CSMD1: variants seen among roughly 807,000 people sequenced by gnomAD.
CSMD1 encodes CUB and sushi domain-containing protein 1.
Under a neutral mutation model 417.5 loss-of-function variants are expected in CSMD1, and 213 were observed. The ratio of observed to expected loss-of-function variants is 0.51; its 90% CI spans 0.46 to 0.57. The LOEUF is 0.57. CSMD1 is among the 20% of genes least tolerant of loss of function. The probability of loss-of-function intolerance (pLI) is 0.00; values close to 1 mark genes in which losing one functional copy is unlikely to be tolerated. For synonymous variants in CSMD1, 2,862 were observed against 1,736.8 expected (o/e 1.65, Z -16.11); for missense variants, 6,923 against 4,529.7 (o/e 1.53, Z -15.17).
chr8:3,955,492 T>C (rs1386954950), intron 5 of CSMD1, among the ~76,000 whole-genome samples: 5 of 152,198 alleles, frequency 3.3e-5, no homozygotes, highest in East Asian at 1.9e-4. Flanking sequence ...TCATTCTCTC[T>C]ACTCATGTTT....
chr8:4,063,982 G>T (rs763635672), intron 3 of CSMD1, among the ~76,000 whole-genome samples: 1 of 152,102 alleles, frequency 6.6e-6, no homozygotes, highest in Non-Finnish European at 1.5e-5. Context: ...GTGTGTGTTG[G>T]GAAAATGGGG....
chr8:4,056,181 G>C lies in CSMD1; in HGVS notation c.416-24082C>G, dbSNP rs562902543. Among the ~76,000 whole-genome samples the C allele has an allele frequency of 1.1e-4, 16 of 140,954 alleles. No individual in the cohort carries two copies. The South Asian group carries it at 3.8e-3, about 33-fold the overall frequency. The allele number at this position is 140,954 out of a possible 152,430, so 92.5% of individuals were successfully genotyped here. On this transcript the variant is annotated intron_variant, in intron 3 of 69. Transcript: ENST00000635120. Reference sequence around the variant, plus strand: ...ACTCCAACCTCTGCCTCTTGGGTTCGAGCAATTCTCTTGCCTCAGCCTCCC... The same window carrying C: ...ACTCCAACCTCTGCCTCTTGGGTTCCAGCAATTCTCTTGCCTCAGCCTCCC...
chr8:3,428,307 A>G (rs1462874937), intron 12 of CSMD1, among the ~76,000 whole-genome samples: 1 of 152,200 alleles, frequency 6.6e-6, no homozygotes, highest in African/African-American at 2.4e-5. Flanking sequence ...CTGCTTCCTT[A>G]TTCAGAGACG....
At chr8:3,112,675 C>T (rs1363757466) in intron 42 of CSMD1, among the ~76,000 whole-genome samples, 1 of 152,142 alleles carries the variant, frequency 6.6e-6, no homozygotes, top group African/African-American at 2.4e-5. Context: ...CGTAGAGACC[C>T]TGTTGCTGCC....
At position 3,015,934 on chromosome 8, in the gene CSMD1, C is replaced by A. The variant is rs762631074; in HGVS notation, c.8029+2543G>T. Among the ~76,000 whole-genome samples, 4 of 152,140 alleles carry A rather than the reference C, an allele frequency of 2.6e-5. No individual in the cohort carries two copies. The East Asian group carries it at 5.8e-4, about 22-fold the overall frequency. On this transcript the variant is annotated intron_variant, in intron 52 of 69. Transcript: ENST00000635120. Reference sequence around the variant, plus strand: ...GACCCTTGCACCTGCCCCTTGCATGCGCCTCCAGAGGGGACTAATCCAGGT... The same window carrying A: ...GACCCTTGCACCTGCCCCTTGCATGAGCCTCCAGAGGGGACTAATCCAGGT...
chr8:4,056,789 C>T (rs941087082), intron 3 of CSMD1, among the ~76,000 whole-genome samples: 5 of 151,700 alleles, frequency 3.3e-5, no homozygotes, highest in East Asian at 1.9e-4. Flanking sequence ...TGCGGTGTTT[C>T]GTTTTTTGTC....
In CSMD1 at chr8:2,978,870, A is replaced by G. The variant is rs1182738682; in HGVS notation, c.8378-70T>C. The G allele has an allele frequency of 2.3e-6, 3 of 1,324,770 alleles. No individual in the cohort carries two copies. The African/African-American group carries it at 4.4e-5, about 20-fold the overall frequency. 82.1% of individuals were successfully genotyped at this position (1,324,770 alleles called of 1,614,324 possible). ...ATAACAACAAAATAGATCAGAAATG[A>G]AGGCGAATTCCTCATCATTTTAGAA... On this transcript the variant is annotated intron_variant, in intron 54 of 69. Transcript: ENST00000635120.
chr8:4,761,879 CT>C (rs1563319125), intron 1 of CSMD1, among the ~76,000 whole-genome samples: 46 of 88,076 alleles, frequency 5.2e-4, no homozygotes, highest in African/African-American at 1.8e-3. Context: ...ATCTATCTAT[CT>C]ATCTATCTAC....
intron 18 of CSMD1, among the ~76,000 whole-genome samples, chr8:3,371,873 T>C (rs747379035): frequency 6.6e-6 from 1 of 152,194 alleles, no homozygotes; most frequent in Non-Finnish European, 1.5e-5. Context: ...CATTTCACTG[T>C]GAAAGAAGTA....
chr8:4,374,309 A>G (rs1273528206), intron 3 of CSMD1, among the ~76,000 whole-genome samples: 5 of 152,204 alleles, frequency 3.3e-5, no homozygotes, highest in East Asian at 1.9e-4. Context: ...AGAGTACAAT[A>G]TAATTACAGT....
At chr8:3,272,250 G>A (rs183774582) in intron 26 of CSMD1, among the ~76,000 whole-genome samples, 2 of 143,078 alleles carry the variant, frequency 1.4e-5, no homozygotes, top group African/African-American at 5.2e-5. Context: ...TAGATATGCG[G>A]CGTTATTTCT....
chr8:3,773,111 TCA>T (rs1563065450), intron 5 of CSMD1, among the ~76,000 whole-genome samples: 2 of 152,156 alleles, frequency 1.3e-5, no homozygotes, highest in Non-Finnish European at 1.5e-5. Flanking sequence ...GGCTCTGTCC[TCA>T]CAACCTCATC....
intron 3 of CSMD1, among the ~76,000 whole-genome samples, chr8:4,166,414 A>T (rs951754241): frequency 6.6e-6 from 1 of 152,246 alleles, no homozygotes; most frequent in African/African-American, 2.4e-5. Context: ...TATATATACC[A>T]CACAATAATA....
chr8:4,932,469 A>C (rs7825060), intron 1 of CSMD1, among the ~76,000 whole-genome samples: 47,428 of 152,008 alleles, frequency 0.31, 8,351 homozygotes, highest in Non-Finnish European at 0.41. Context: ...GAGAAATAAT[A>C]TACTACCTCA....
intron 36 of CSMD1, among the ~76,000 whole-genome samples, chr8:3,181,547 G>T (rs1192137031): frequency 6.6e-6 from 1 of 152,096 alleles, no homozygotes; most frequent in Non-Finnish European, 1.5e-5. Flanking sequence ...GACATGAACA[G>T]AGAGGAAAGA....
Position 3,289,331 on chromosome 8 carries a change from G to A in CSMD1, c.3951-4985C>T, listed in dbSNP as rs1300939913. Among the ~76,000 whole-genome samples, 184 of 147,050 alleles carry A rather than the reference G, an allele frequency of 1.3e-3. 7 individuals carry two copies. The highest frequency in any genetic ancestry group is 4.7e-3 in the African/African-American group (172 of 36,896). On this transcript the variant is annotated intron_variant, in intron 25 of 69. Coordinates refer to ENST00000635120, the MANE Select transcript of CSMD1 (RefSeq NM_033225.6). ...TAGCAGCATGATTTATAATCCTTTG[G>A]GTATATACCCAGTAATGGGATGGCT...
intron 5 of CSMD1, among the ~76,000 whole-genome samples, chr8:3,815,608 C>T (rs766134899): frequency 6.3e-4 from 91 of 144,056 alleles, no homozygotes; most frequent in Non-Finnish European, 9.0e-4. Flanking sequence ...TTAAAAATGT[C>T]TATCACTGCT....
chr8:3,962,438 G>A (rs775159937), intron 5 of CSMD1, among the ~76,000 whole-genome samples: 31 of 152,300 alleles, frequency 2.0e-4, no homozygotes, highest in African/African-American at 6.3e-4. Context: ...TCTCAGCTGG[G>A]TGATGTGAGA....
intron 23 of CSMD1, among the ~76,000 whole-genome samples, chr8:3,322,199 A>G (rs1015490906): frequency 6.6e-6 from 1 of 152,364 alleles, no homozygotes; most frequent in African/African-American, 2.4e-5. Context: ...TTTCATGGCC[A>G]GGAACATGAA....
Sources: gnomAD v4.1 joint callset for allele counts (sites outside exome capture counted in the v4.1 genomes callset) on GRCh38, gnomAD v4.1.1 for gene constraint, MANE v1.5 for transcripts, NCBI Gene and HGNC (gene_info 2026-07-23, HGNC 2026-07-21) for gene names.